PLAC8: variants seen among roughly 807,000 people sequenced by gnomAD.
The protein encoded by PLAC8 is placenta-specific gene 8 protein.
Under a neutral mutation model 12.6 loss-of-function variants are expected in PLAC8, and 6 were observed. That is an observed-to-expected ratio of 0.48 (90% CI 0.26 to 0.94). PLAC8 has a LOEUF of 0.94. PLAC8 is among the 40% of genes least tolerant of loss of function. The pLI is 0.14. For synonymous variants in PLAC8, 54 were observed against 52.6 expected (o/e 1.03, Z -0.11); for missense variants, 122 against 152.7 (o/e 0.80, Z 1.06).
Position 83,094,756 on chromosome 4 carries a change from G to A in PLAC8, c.279C>T (p.Cys93=). The A allele has an allele frequency of 6.2e-7, 1 of 1,603,820 alleles. No individual in the cohort carries two copies. Among genetic ancestry groups the A allele is most frequent in the Non-Finnish European group, 8.5e-7 (1 of 1,176,524 alleles). ...SICDDYMATL[C]CPHCTLCQIK... ...TTTGGCAAAGAGTACAATGAGGACA[G>A]CAAAGAGTTGCCATATAGTCATCAC... is the stretch of plus-strand genomic sequence containing the variant. Residue 93 remains cysteine (C), a synonymous_variant, in exon 4 of 5, where the codon TGC becomes TGT. Coordinates refer to ENST00000311507, the MANE Select transcript of PLAC8 (RefSeq NM_016619.3).
intron 3 of PLAC8, among the ~76,000 whole-genome samples, chr4:83,097,109 A>C (rs536052696): frequency 2.6e-5 from 4 of 152,180 alleles, no homozygotes; most frequent in African/African-American, 9.7e-5. Flanking sequence ...CTAGAAACGC[A>C]TGCTGTCCCA....
rs764510932 is a variant in PLAC8, at chr4:83,107,797, CACTT to C, written c.118+3_118+6del. The C allele has an allele frequency of 1.3e-6, 2 of 1,577,002 alleles. No homozygotes were observed. Among genetic ancestry groups the C allele is most frequent in the Non-Finnish European group, 1.7e-6 (2 of 1,149,916 alleles). On this transcript the variant is annotated splice_donor_5th_base_variant and intron_variant, in intron 2 of 4. Coordinates refer to ENST00000311507, the MANE Select transcript of PLAC8 (RefSeq NM_016619.3). ...CAAATAAGGGGGTTCTTTCCCCACA[CACTT>C]ACAGACTCCGCAGTCGCTGAAACAG...
intron 3 of PLAC8, among the ~76,000 whole-genome samples, chr4:83,101,567 T>A (rs1732102530): frequency 6.6e-6 from 1 of 152,160 alleles, no homozygotes; most frequent in Non-Finnish European, 1.5e-5. Context: ...GATAATTGAT[T>A]AAGGTGGCTA....
At chr4:83,098,643 G>T (rs1387828355) in intron 3 of PLAC8, among the ~76,000 whole-genome samples, 1 of 152,132 alleles carries the variant, frequency 6.6e-6, no homozygotes, top group Non-Finnish European at 1.5e-5. Context: ...GGGAAAAAAA[G>T]GAGGACAGAA....
chr4:83,095,973 T>C (rs1731915882), intron 3 of PLAC8, among the ~76,000 whole-genome samples: 1 of 152,180 alleles, frequency 6.6e-6, no homozygotes, highest in Admixed American at 6.5e-5. Flanking sequence ...GCAAACGATG[T>C]TAAGCACTGA....
At chr4:83,098,228 G>C (rs1731993464) in intron 3 of PLAC8, among the ~76,000 whole-genome samples, 1 of 152,180 alleles carries the variant, frequency 6.6e-6, no homozygotes, top group Admixed American at 6.5e-5. Flanking sequence ...AAAGTGAAAA[G>C]GGTTTGTAAA....
rs1227534751 is a variant in PLAC8, at chr4:83,104,996, G to A, written c.143C>T (p.Pro48Leu). 6 of 1,613,986 alleles carry A rather than the reference G, an allele frequency of 3.7e-6. No individual in the cohort carries two copies. The highest frequency in any genetic ancestry group is 2.2e-5 in the East Asian group (1 of 44,874). ...AGCTGCAACTTGACACCCAAGGCACGGGAAACAAAATGTGCCACAGAGACC... is the reference window on the plus strand; with the variant it reads ...AGCTGCAACTTGACACCCAAGGCACAGGAAACAAAATGTGCCACAGAGACC... ...GVCLCGTFCF[P>L]CLGCQVAADM... The change falls in exon 3 of 5, where the codon CCG becomes CTG. Residue 48 changes from proline to leucine, a missense_variant. Physicochemically the swap from Pro to Leu is moderately conservative, Grantham distance 98 (BLOSUM62 -3). Transcript: ENST00000311507.
chr4:83,102,692 A>C (rs986776868), intron 3 of PLAC8, among the ~76,000 whole-genome samples: 11 of 152,242 alleles, frequency 7.2e-5, no homozygotes, highest in African/African-American at 2.7e-4. Flanking sequence ...TGGTAGAAAT[A>C]GCAAGAGAAC....
chr4:83,110,277 T>G (rs1264311952), intron 1 of PLAC8, among the ~76,000 whole-genome samples: 1 of 140,984 alleles, frequency 7.1e-6, no homozygotes, highest in Non-Finnish European at 1.5e-5. Context: ...TGAATGCTTA[T>G]TAGATGGACC....
At chr4:83,104,327 G>GTATATA (rs540113598) in intron 3 of PLAC8, among the ~76,000 whole-genome samples, 14 of 151,234 alleles carry the variant, frequency 9.3e-5, no homozygotes, top group African/African-American at 3.4e-4. Context: ...AGGTTTGCCT[G>GTATATA]TATATATATA....
At chr4:83,105,896 C>T (rs1732222687) in intron 2 of PLAC8, among the ~76,000 whole-genome samples, 9 of 152,166 alleles carry the variant, frequency 5.9e-5, no homozygotes, top group Admixed American at 5.9e-4. Flanking sequence ...AAGCTTAAGT[C>T]GTCACCCCAG....
intron 1 of PLAC8, among the ~76,000 whole-genome samples, chr4:83,112,643 G>A (rs944076907): frequency 2.0e-5 from 3 of 152,162 alleles, no homozygotes; most frequent in Non-Finnish European, 4.4e-5. Context: ...AACTTCTCCC[G>A]TGAGATATCT....
At chr4:83,096,242 A>G (rs1731922721) in intron 3 of PLAC8, among the ~76,000 whole-genome samples, 1 of 152,228 alleles carries the variant, frequency 6.6e-6, no homozygotes. Flanking sequence ...GAGTCAGTTA[A>G]GTTAGATCTC....
In PLAC8 at chr4:83,114,572, G is replaced by GA. The variant is rs1236398069; in HGVS notation, c.-30+93dup. The GA allele has an allele frequency of 4.0e-5, 6 of 149,224 alleles. No homozygotes were observed. The East Asian group carries it at 9.7e-4, about 24-fold the overall frequency. 9.2% of individuals were successfully genotyped at this position (149,224 alleles called of 1,614,324 possible). ...TGAAACTCAAAATATAACATGCTAAGAAAAAAACAAGAAAATCAAATAACT... is the reference window on the plus strand; with the variant it reads ...TGAAACTCAAAATATAACATGCTAAGAAAAAAAACAAGAAAATCAAATAACT... On this transcript the variant is annotated intron_variant, in intron 1 of 4. Transcript: ENST00000311507.
At chr4:83,094,848 C>T (rs1001548172) in intron 3 of PLAC8, 57 bp from the exon 4 acceptor site, 5 of 965,594 alleles carry the variant, frequency 5.2e-6, no homozygotes, top group African/African-American at 1.7e-5. Context: ...GGAATTAAGA[C>T]TTGCCACATC....
intron 2 of PLAC8, among the ~76,000 whole-genome samples, chr4:83,105,496 G>C (rs1290301654): frequency 6.6e-6 from 1 of 152,224 alleles, no homozygotes; most frequent in African/African-American, 2.4e-5. Context: ...TGGACAAAAA[G>C]GAAAAGAGCC....
rs369374073 is a variant in PLAC8, at chr4:83,105,035, C to T, written c.119-15G>A. Reference sequence around the variant, plus strand: ...GCCACAGAGACCTAGACACATGAAACCAGGGGTACATATTACTCCACTCTG... The same window carrying T: ...GCCACAGAGACCTAGACACATGAAATCAGGGGTACATATTACTCCACTCTG... On this transcript the variant is annotated splice_polypyrimidine_tract_variant and intron_variant, in intron 2 of 4. Transcript: ENST00000311507. 6 of 1,613,916 alleles carry T rather than the reference C, an allele frequency of 3.7e-6. No individual in the cohort carries two copies. Among genetic ancestry groups the T allele is most frequent in the Non-Finnish European group, 5.1e-6 (6 of 1,179,940 alleles).
intron 1 of PLAC8, among the ~76,000 whole-genome samples, chr4:83,112,912 G>A (rs1454171842): frequency 6.6e-6 from 1 of 152,170 alleles, no homozygotes; most frequent in Non-Finnish European, 1.5e-5. Context: ...AAAATCTAGA[G>A]TTCCTAGGAC....
At chr4:83,101,324 G>A (rs1278000932) in intron 3 of PLAC8, among the ~76,000 whole-genome samples, 1 of 152,208 alleles carries the variant, frequency 6.6e-6, no homozygotes, top group Non-Finnish European at 1.5e-5. Flanking sequence ...AGTTTGCAGT[G>A]AGCCAAGATC....
Sources: gnomAD v4.1 joint callset for allele counts (sites outside exome capture counted in the v4.1 genomes callset) on GRCh38, gnomAD v4.1.1 for gene constraint, MANE v1.5 for transcripts, NCBI Gene and HGNC (gene_info 2026-07-23, HGNC 2026-07-21) for gene names.